CAPN2: variants seen among roughly 807,000 people sequenced by gnomAD.
The protein encoded by CAPN2 is calpain 2, also known as calpain-2 catalytic subunit.
In CAPN2, 92 loss-of-function variants were observed where a neutral mutation model predicts 102.3. The ratio of observed to expected loss-of-function variants is 0.90; its 90% CI spans 0.76 to 1.07. The LOEUF is 1.07. Ranked by LOEUF, CAPN2 falls within the 50% of genes least tolerant of loss-of-function variation. The pLI is 0.00. For synonymous variants in CAPN2, 340 were observed against 355.4 expected (o/e 0.96, Z 0.49); for missense variants, 800 against 909.4 (o/e 0.88, Z 1.55).
rs1016946251 is a variant in CAPN2, at chr1:223,726,595, T to G, written c.307+8764T>G. Among the ~76,000 whole-genome samples the G allele has an allele frequency of 1.3e-5, 2 of 152,122 alleles. No homozygotes were observed. On this transcript the variant is annotated intron_variant, in intron 2 of 20. Coordinates refer to ENST00000295006, the MANE Select transcript of CAPN2 (RefSeq NM_001748.5). The surrounding 1 kb of genome is among the most constrained non-coding windows in gnomAD (Gnocchi z 4.4). ...CCCATCCTCCCTTTTAGGGCCTCCC[T>G]TCTGGCAGATAGGGCAGGGAGAAGG... is the stretch of plus-strand genomic sequence containing the variant.
chr1:223,751,572 C>T (rs183461810), intron 7 of CAPN2, among the ~76,000 whole-genome samples: 43 of 150,318 alleles, frequency 2.9e-4, no homozygotes, highest in African/African-American at 1.1e-3. Flanking sequence ...AGGGCCAGGT[C>T]CTTCTGCTCC....
chr1:223,767,208 C>CT (rs1661360390), intron 16 of CAPN2, among the ~76,000 whole-genome samples: 1 of 151,378 alleles, frequency 6.6e-6, no homozygotes, highest in Non-Finnish European at 1.5e-5. Flanking sequence ...TATTATTATA[C>CT]TTTAAGTTTT....
intron 1 of CAPN2, among the ~76,000 whole-genome samples, chr1:223,703,715 A>G (rs1176275121): frequency 6.6e-6 from 1 of 152,236 alleles, no homozygotes; most frequent in African/African-American, 2.4e-5. Flanking sequence ...CCAGTTACAC[A>G]GGACTTACCC....
At chr1:223,717,108 C>T (rs147616603) in intron 1 of CAPN2, among the ~76,000 whole-genome samples, 5 of 152,206 alleles carry the variant, frequency 3.3e-5, no homozygotes, top group East Asian at 1.9e-4. Flanking sequence ...TATATAGATG[C>T]TGTAAGTTTC....
At position 223,752,070 on chromosome 1, in the gene CAPN2, T is replaced by C. The variant is rs781499018; in HGVS notation, c.973T>C (p.Trp325Arg). ...CAGACGGCATGAAGATGGAGAATTC[T>C]GGTAAGATTAGTGGAGGCTTCAGGG... The part of the protein sequence containing the change: ...LTRRHEDGEF[W>R]MSFSDFLRHY... The change falls in exon 8 of 21, where the codon TGG (tryptophan) becomes CGG (arginine). Residue 325 changes from tryptophan (W) to arginine (R), a missense_variant and splice_region_variant. Transcript: ENST00000295006. The C allele has an allele frequency of 6.2e-7, 1 of 1,606,472 alleles. No homozygotes were observed. The highest frequency in any genetic ancestry group is 8.5e-7 in the Non-Finnish European group (1 of 1,173,050).
chr1:223,761,998 A>G (rs1214063679), intron 13 of CAPN2, among the ~76,000 whole-genome samples, 188 bp from the exon 14 acceptor site: 1 of 132,992 alleles, frequency 7.5e-6, no homozygotes, highest in Non-Finnish European at 1.5e-5. Context: ...TTGTGTTTTA[A>G]TTAGAAAAAA....
upstream of CAPN2, among the ~76,000 whole-genome samples, chr1:223,708,788 G>C (rs1020287563): frequency 4.0e-5 from 6 of 150,254 alleles, no homozygotes; most frequent in African/African-American, 1.5e-4. Context: ...GAAAGAGAGA[G>C]AGAGAGAGAA....
chr1:223,752,814 C>T lies in CAPN2; in HGVS notation c.993C>T (p.Phe331=), dbSNP rs201694370. ...TTGCCAGGATGTCTTTCAGTGACTT[C>T]CTGAGGCACTATTCCCGCCTGGAGA... ...DGEFWMSFSD[F]LRHYSRLEIC... The change falls in exon 9 of 21, where the codon TTC becomes TTT. Residue 331 remains phenylalanine, a synonymous_variant. Transcript: ENST00000295006. 54 of 1,614,114 alleles carry T rather than the reference C, an allele frequency of 3.3e-5. No homozygotes were observed. The highest frequency in any genetic ancestry group is 3.1e-4 in the South Asian group (28 of 91,078).
chr1:223,750,924 G>A lies in CAPN2; in HGVS notation c.848G>A (p.Arg283His), dbSNP rs780815282. 13 of 1,552,540 alleles carry A rather than the reference G, an allele frequency of 8.4e-6. No individual in the cohort carries two copies. In the East Asian group the frequency reaches 1.2e-4, roughly 15 times the overall value. ...ESNGSLQKLIRIRNPWGEVEW... is the reference protein window; with the variant it reads ...ESNGSLQKLIHIRNPWGEVEW... ...AACGGAAGCCTACAGAAACTGATCC[G>A]CATCCGAAATCCCTGGGGAGAAGTG... Residue 283 changes from arginine to histidine, a missense_variant, in exon 7 of 21, where the codon CGC becomes CAC. Transcript: ENST00000295006.
chr1:223,750,750 A>G (rs1660865805), intron 6 of CAPN2, 140 bp from the exon 7 acceptor site: 4 of 722,384 alleles, frequency 5.5e-6, no homozygotes, highest in South Asian at 3.4e-5. Context: ...TCCCTCATAC[A>G]TGGACTCAAC....
intron 2 of CAPN2, among the ~76,000 whole-genome samples, chr1:223,741,032 G>C (rs1389114582): frequency 6.6e-6 from 1 of 152,182 alleles, no homozygotes; most frequent in African/African-American, 2.4e-5. Flanking sequence ...CTATGAAATA[G>C]AATGAAAATA....
At chr1:223,770,340 G>C (rs1263722322) in intron 17 of CAPN2, 107 bp from the exon 18 acceptor site, 2 of 694,424 alleles carry the variant, frequency 2.9e-6, no homozygotes, top group Non-Finnish European at 5.1e-6. Context: ...GGCCAAACTA[G>C]AGGCACAGAG....
upstream of CAPN2, among the ~76,000 whole-genome samples, chr1:223,708,380 C>T (rs557675232): frequency 4.8e-4 from 72 of 150,640 alleles, 1 homozygote; most frequent in South Asian, 0.014. Context: ...GCCAAGATCG[C>T]GCCATTGCAC....
intron 2 of CAPN2, among the ~76,000 whole-genome samples, chr1:223,743,361 T>C (rs1480808848): frequency 6.6e-6 from 1 of 152,196 alleles, no homozygotes; most frequent in Non-Finnish European, 1.5e-5. Context: ...ACTTACTTCC[T>C]GCGACTGTAC....
rs747282032 is a variant in CAPN2 at position 223,712,704 on chromosome 1, G to A, written c.64G>A (p.Asp22Asn). The A allele has an allele frequency of 1.9e-6, 3 of 1,579,924 alleles. No homozygotes were observed. Among genetic ancestry groups the A allele is most frequent in the African/African-American group, 2.7e-5 (2 of 72,818 alleles). Residue 22 changes from aspartate to asparagine, a missense_variant, in exon 1 of 21, where the codon GAC becomes AAC. Physicochemically the swap from Asp to Asn is conservative, Grantham distance 23 (BLOSUM62 1). Transcript: ENST00000295006. ...GGCGGCCGAGGGGCTGGGCTCCCACGACAGGGCCATCAAGTACCTCAACCA... is the reference window on the plus strand; with the variant it reads ...GGCGGCCGAGGGGCTGGGCTCCCACAACAGGGCCATCAAGTACCTCAACCA... ...REAAEGLGSH[D>N]RAIKYLNQDY...
intron 20 of CAPN2, among the ~76,000 whole-genome samples, chr1:223,773,492 G>C (rs531528242): frequency 3.3e-4 from 51 of 152,244 alleles, no homozygotes; most frequent in African/African-American, 1.2e-3. Context: ...TTGGGAGTTC[G>C]AGACCAGCCT....
At chr1:223,710,400 C>T (rs1193939245), upstream of CAPN2, among the ~76,000 whole-genome samples, 3 of 152,156 alleles carry the variant, frequency 2.0e-5, no homozygotes, top group Non-Finnish European at 4.4e-5. Context: ...ATGTCTTGGA[C>T]TAGATCATGT....
intron 7 of CAPN2, 55 bp from the exon 8 acceptor site, chr1:223,751,942 C>T: frequency 8.4e-7 from 1 of 1,195,372 alleles, no homozygotes; most frequent in East Asian, 2.4e-5. Flanking sequence ...AACTCTGGGG[C>T]CTTTGGGGAG....
At chr1:223,770,599 A>AAATCTTGTGTTATATGG in intron 18 of CAPN2, 74 bp downstream of exon 18, 1 of 960,126 alleles carries the variant, frequency 1.0e-6, no homozygotes, top group Non-Finnish European at 1.6e-6. Context: ...ATCTTATACC[A>AAATCTTGTGTTATATGG]TATAACACAA....
Sources: allele counts gnomAD v4.1 joint callset (sites outside exome capture counted in the v4.1 genomes callset), GRCh38; gene constraint gnomAD v4.1.1; non-coding constraint Gnocchi (gnomAD v3.1); transcripts MANE v1.5; gene names NCBI Gene and HGNC (gene_info 2026-07-23, HGNC 2026-07-21).